VPS39: variants seen among roughly 807,000 people sequenced by gnomAD.
VPS39 encodes the protein vam6/Vps39-like protein.
In VPS39, 70 loss-of-function variants were observed where a neutral mutation model predicts 121.0. The observed-to-expected ratio is 0.58, with a 90% CI of 0.48 to 0.71. The LOEUF is 0.71. Ranked by LOEUF, VPS39 falls within the 30% of genes least tolerant of loss-of-function variation. The pLI is 0.00. For synonymous variants in VPS39, 378 were observed against 398.1 expected, an observed-to-expected ratio of 0.95 and a Z score of 0.60; for missense variants, 818 against 1,051.5, an observed-to-expected ratio of 0.78 and a Z score of 3.07.
chr15:42,162,648 C>T (rs2049155009), intron 21 of VPS39, 167 bp from the exon 22 acceptor site: 1 of 713,642 alleles, frequency 1.4e-6, no homozygotes, highest in Non-Finnish European at 2.0e-6. Context: ...AAACAGGCAA[C>T]TGAAGATGTT....
At chr15:42,175,545 T>C (rs1365902796) in intron 10 of VPS39, among the ~76,000 whole-genome samples, 1 of 152,162 alleles carries the variant, frequency 6.6e-6, no homozygotes. Flanking sequence ...TAACCTATTT[T>C]CCCCTTATAC....
chr15:42,180,324 C>T (rs1395420868), intron 8 of VPS39, among the ~76,000 whole-genome samples: 1 of 152,194 alleles, frequency 6.6e-6, no homozygotes, highest in African/African-American at 2.4e-5. Flanking sequence ...ATTTACCCTT[C>T]TGATCCAGTA....
chr15:42,191,048 A>G, intron 4 of VPS39, 77 bp downstream of exon 4: 1 of 1,543,238 alleles, frequency 6.5e-7, no homozygotes, highest in Non-Finnish European at 9.0e-7. Flanking sequence ...ACCACTATCA[A>G]ATTAACCATG....
chr15:42,174,253 A>T (rs1169090531), intron 10 of VPS39, among the ~76,000 whole-genome samples: 1 of 152,168 alleles, frequency 6.6e-6, no homozygotes, highest in East Asian at 1.9e-4. Context: ...TCTCAAAAAA[A>T]AAATAAAAAA....
chr15:42,158,939 C>CACAGCTGG lies in VPS39; in HGVS notation c.*1807_*1814dup, dbSNP rs2049076253. On this transcript the variant is annotated 3_prime_UTR_variant, in exon 25 of 25. Transcript: ENST00000318006. ...GTTTGTGAGAATGGAAGATAACAAG[C>CACAGCTGG]ACAGCTGGCCAGGAAGGCAGGGCAC... The CACAGCTGG allele has an allele frequency of 6.6e-6, 1 of 152,286 alleles. No individual in the cohort carries two copies. The highest frequency in any genetic ancestry group is 1.9e-4 in the East Asian group (1 of 5,202). The allele number at this position is 152,286 out of a possible 1,614,324, so 9.4% of individuals were successfully genotyped here.
chr15:42,183,709 A>T (rs1304675865), intron 8 of VPS39, among the ~76,000 whole-genome samples: 1 of 152,196 alleles, frequency 6.6e-6, no homozygotes, highest in Non-Finnish European at 1.5e-5. Flanking sequence ...ATTAAACAAC[A>T]AACTTCCCTT....
chr15:42,207,567 G>C (rs1441730976), intron 1 of VPS39, among the ~76,000 whole-genome samples: 1 of 152,154 alleles, frequency 6.6e-6, no homozygotes, highest in African/African-American at 2.4e-5. Context: ...TCAAAGGTTA[G>C]CTAACTACAT....
At chr15:42,188,475 C>T (rs771893329) in intron 5 of VPS39, among the ~76,000 whole-genome samples, 2 of 152,186 alleles carry the variant, frequency 1.3e-5, no homozygotes, top group Non-Finnish European at 2.9e-5. Flanking sequence ...AACAAGACTC[C>T]ATTTAATGTC....
At chr15:42,179,575 CAATAAATAAATAAATA>C (rs372735737) in intron 8 of VPS39, among the ~76,000 whole-genome samples, 4,829 of 108,018 alleles carry the variant, frequency 0.045, 112 homozygotes, top group Non-Finnish European at 0.062. Flanking sequence ...GACTCCATCT[CAATAAATAAATAAATA>C]AATAAATAAA....
intron 2 of VPS39, among the ~76,000 whole-genome samples, chr15:42,197,599 T>C (rs2049970544): frequency 6.6e-6 from 1 of 152,144 alleles, no homozygotes; most frequent in Non-Finnish European, 1.5e-5. Flanking sequence ...TATTGAGGAA[T>C]GTTTATACTC....
intron 22 of VPS39, 66 bp downstream of exon 22, chr15:42,162,266 A>G (rs588695): frequency 0.026 from 40,814 of 1,597,654 alleles, 2,955 homozygotes; most frequent in African/African-American, 0.2. Context: ...GTCCCTTTCC[A>G]CATTTCCTCT....
At chr15:42,161,811 T>C (rs1272000535) in intron 23 of VPS39, 38 bp from the exon 24 acceptor site, 1 of 1,610,504 alleles carries the variant, frequency 6.2e-7, no homozygotes, top group South Asian at 1.1e-5. Context: ...AGTTCTACAG[T>C]GTGGCACCCA....
intron 11 of VPS39, among the ~76,000 whole-genome samples, chr15:42,172,231 G>T (rs114258143): frequency 5.3e-5 from 8 of 152,102 alleles, no homozygotes; most frequent in Admixed American, 3.9e-4. Context: ...TCTTAAACAC[G>T]CCTTCCGGAA....
intron 4 of VPS39, among the ~76,000 whole-genome samples, chr15:42,190,121 A>G (rs2049796934): frequency 2.0e-5 from 3 of 151,784 alleles, no homozygotes; most frequent in South Asian, 2.1e-4. Context: ...AGTCCAAAGC[A>G]CTCTTATACT....
intron 11 of VPS39, 146 bp downstream of exon 11, chr15:42,173,576 AC>A: frequency 3.0e-6 from 3 of 1,007,268 alleles, no homozygotes; most frequent in Non-Finnish European, 4.3e-6. Flanking sequence ...CACTGTGGTC[AC>A]CCCACAGGAT....
chr15:42,168,352 A>T (rs548664885), intron 12 of VPS39, among the ~76,000 whole-genome samples: 14 of 152,116 alleles, frequency 9.2e-5, no homozygotes, highest in Non-Finnish European at 1.2e-4. Context: ...TACTTAGCAC[A>T]GTGTGTGCAG....
intron 8 of VPS39, among the ~76,000 whole-genome samples, chr15:42,183,395 C>G (rs2049629308): frequency 6.6e-6 from 1 of 152,134 alleles, no homozygotes; most frequent in Non-Finnish European, 1.5e-5. Context: ...AGCCACTGTG[C>G]CCGGCCAGAA....
intron 2 of VPS39, 93 bp downstream of exon 2, chr15:42,199,801 ATC>A: frequency 1.5e-6 from 2 of 1,367,974 alleles, no homozygotes; most frequent in Non-Finnish European, 2.0e-6. Flanking sequence ...CTAACCTTCA[ATC>A]TCTCTTTTAA....
At chr15:42,193,229 C>T (rs776475368) in intron 2 of VPS39, among the ~76,000 whole-genome samples, 1 of 152,124 alleles carries the variant, frequency 6.6e-6, no homozygotes, top group African/African-American at 2.4e-5. Flanking sequence ...AATTTAAATA[C>T]ATACATTTAA....
Sources: allele counts gnomAD v4.1 joint callset (sites outside exome capture counted in the v4.1 genomes callset), GRCh38; gene constraint gnomAD v4.1.1; transcripts MANE v1.5; gene names NCBI Gene and HGNC (gene_info 2026-07-23, HGNC 2026-07-21).